PAFAH1B1: variants seen among roughly 807,000 people sequenced by gnomAD.
PAFAH1B1 encodes the protein platelet-activating factor acetylhydrolase IB subunit beta.
PAFAH1B1 carries 2 observed loss-of-function variants against 57.5 expected under a neutral mutation model. The ratio of observed to expected loss-of-function variants is 0.03; its 90% confidence interval spans 0.01 to 0.11. PAFAH1B1 has a LOEUF of 0.11. PAFAH1B1 is among the 10% of genes least tolerant of loss of function. PAFAH1B1 has a pLI of 1.00. For synonymous variants in PAFAH1B1, 152 were observed against 169.6 expected (o/e 0.90, Z 0.81); for missense variants, 257 against 512.0 (o/e 0.50, Z 4.81).
intron 9 of PAFAH1B1, among the ~76,000 whole-genome samples, chr17:2,677,723 G>A (rs1012684872): frequency 3.3e-5 from 5 of 151,866 alleles, no homozygotes; most frequent in Non-Finnish European, 5.9e-5. Context: ...GCATCCTGGC[G>A]GGTGCCTGTA....
intron 2 of PAFAH1B1, among the ~76,000 whole-genome samples, chr17:2,654,467 A>G (rs1167269942): frequency 6.6e-6 from 1 of 151,414 alleles, no homozygotes; most frequent in Non-Finnish European, 1.5e-5. Context: ...GAGCCACTCC[A>G]CTCGGTCTGT....
intron 6 of PAFAH1B1, among the ~76,000 whole-genome samples, chr17:2,672,283 C>CAA (rs1491271441): frequency 3.7e-4 from 2 of 5,470 alleles, no homozygotes; most frequent in South Asian, 8.8e-3. Context: ...GTCCTTGCCT[C>CAA]ACAAAAAAAA....
At chr17:2,607,889 G>C (rs1340092771) in intron 1 of PAFAH1B1, among the ~76,000 whole-genome samples, 1 of 151,958 alleles carries the variant, frequency 6.6e-6, no homozygotes, top group Admixed American at 6.6e-5. Flanking sequence ...ATATTTTTAT[G>C]CATTTACTAT....
intron 2 of PAFAH1B1, among the ~76,000 whole-genome samples, chr17:2,650,599 C>T (rs1459491917): frequency 1.4e-5 from 2 of 143,776 alleles, no homozygotes; most frequent in Non-Finnish European, 3.0e-5. Flanking sequence ...GGTCTTGCGC[C>T]ACTGCACTCC....
intron 1 of PAFAH1B1, among the ~76,000 whole-genome samples, chr17:2,606,998 G>A (rs910651614): frequency 3.3e-5 from 5 of 149,564 alleles, no homozygotes; most frequent in Admixed American, 1.3e-4. Flanking sequence ...CTAACTTTTT[G>A]TATTTTTAGT....
chr17:2,641,390 C>CTCAGGAGT (rs1161984713), intron 2 of PAFAH1B1: 1 of 152,130 alleles, frequency 6.6e-6, no homozygotes, highest in East Asian at 1.9e-4. Context: ...AACTCCTGAC[C>CTCAGGAGT]TCAGGTGATG....
chr17:2,628,555 T>G lies in PAFAH1B1; in HGVS notation c.-190-9544T>G, dbSNP rs370091820. ...TAGTTTTCTTTTTTTGGTTGTTTGG[T>G]TGTAGTTTCCTTTCCTGGTTTTGGT... On this transcript the variant is annotated intron_variant, in intron 1 of 10. Transcript: ENST00000397195. Among the ~76,000 whole-genome samples the G allele has an allele frequency of 1.1e-4, 16 of 152,132 alleles. No homozygotes were observed. The East Asian group carries it at 1.5e-3, about 15-fold the overall frequency.
rs552888320 is a variant in PAFAH1B1 at position 2,593,733 on chromosome 17, G to C, written c.-464G>C. The C allele has an allele frequency of 3.2e-6, 1 of 313,274 alleles. No individual in the cohort carries two copies. The highest frequency in any genetic ancestry group is 1.4e-4 in the South Asian group (1 of 7,134). The allele number at this position is 313,274 out of a possible 1,614,324, so 19.4% of individuals were successfully genotyped here. ...TGAGCGAGCGGAGGAGCAGCGACAC[G>C]GGAGTCTAGGGAGCGAGAAGGAGAA... On this transcript the variant is annotated 5_prime_UTR_variant, in exon 1 of 11. Transcript: ENST00000397195.
intron 1 of PAFAH1B1, among the ~76,000 whole-genome samples, chr17:2,631,104 G>T (rs535258841): frequency 1.1e-3 from 170 of 152,238 alleles, no homozygotes; most frequent in African/African-American, 3.9e-3. Context: ...AGCCAGGCGT[G>T]GTGGCGTGTG....
At chr17:2,607,055 A>C (rs1334931930) in intron 1 of PAFAH1B1, among the ~76,000 whole-genome samples, 1 of 151,494 alleles carries the variant, frequency 6.6e-6, no homozygotes. Flanking sequence ...CGATTTCCTG[A>C]CATTGTGATC....
chr17:2,654,472 G>A (rs1181315756), intron 2 of PAFAH1B1, among the ~76,000 whole-genome samples: 2 of 151,978 alleles, frequency 1.3e-5, no homozygotes, highest in African/African-American at 2.4e-5. Context: ...ACTCCACTCG[G>A]TCTGTCTTTT....
chr17:2,670,065 T>TA (rs2069159659), intron 5 of PAFAH1B1, 98 bp from the exon 6 acceptor site: 1 of 923,530 alleles, frequency 1.1e-6, no homozygotes, highest in South Asian at 1.3e-5. Flanking sequence ...GTTCGGTTAG[T>TA]TACTCAGTAA....
chr17:2,674,146 C>G lies in PAFAH1B1; in HGVS notation c.758C>G (p.Ser253Cys). ...NQDGTLIASC[S>C]NDQTVRVWVV... ...GATGGCACTCTGATAGCCAGCTGTT[C>G]CAATGACCAGACTGTGCGTGTATGG... Residue 253 changes from serine (S) to cysteine (C), a missense_variant, in exon 8 of 11, where the codon TCC becomes TGC. Ser to Cys is a moderately radical substitution (Grantham distance 112, BLOSUM62 -1). Coordinates refer to ENST00000397195, the MANE Select transcript of PAFAH1B1 (RefSeq NM_000430.4). 1 of 1,614,038 alleles carries G rather than the reference C, an allele frequency of 6.2e-7. No homozygotes were observed. The highest frequency in any genetic ancestry group is 8.5e-7 in the Non-Finnish European group (1 of 1,179,942).
intron 1 of PAFAH1B1, among the ~76,000 whole-genome samples, chr17:2,626,343 TTAAAA>T (rs374631890): frequency 5.9e-5 from 9 of 152,272 alleles, no homozygotes; most frequent in African/African-American, 2.2e-4. Context: ...AATTGTATTC[TTAAAA>T]TAAGTATGAT....
rs138796401 is a variant in PAFAH1B1 at position 2,618,709 on chromosome 17, G to A, written c.-190-19390G>A. ...GTTGCCCAGGCTGGAGTGCAGTGGC[G>A]TGATCTCGGCTCACTGCATCCTCCA... is the stretch of plus-strand genomic sequence containing the variant. On this transcript the variant is annotated intron_variant, in intron 1 of 10. Coordinates refer to ENST00000397195, the MANE Select transcript of PAFAH1B1 (RefSeq NM_000430.4). 4.3e-3 allele frequency among the ~76,000 whole-genome samples: 647 copies of A among 151,394 alleles called. 5 individuals are homozygous for A. Among genetic ancestry groups the A allele is most frequent in the African/African-American group, 0.014 (597 of 41,398 alleles).
At chr17:2,647,216 G>T (rs954094636) in intron 2 of PAFAH1B1, among the ~76,000 whole-genome samples, 1 of 152,142 alleles carries the variant, frequency 6.6e-6, no homozygotes, top group African/African-American at 2.4e-5. Context: ...TGGGCGTCGT[G>T]GTGCACACCT....
chr17:2,674,311 C>A, intron 8 of PAFAH1B1, 23 bp downstream of exon 8: 1 of 1,549,714 alleles, frequency 6.5e-7, no homozygotes, highest in South Asian at 1.1e-5. Flanking sequence ...CAAATGTCTT[C>A]ATGGTTTTAT....
chr17:2,678,212 A>C (rs2069302306), intron 9 of PAFAH1B1, among the ~76,000 whole-genome samples: 1 of 151,612 alleles, frequency 6.6e-6, no homozygotes, highest in Non-Finnish European at 1.5e-5. Context: ...GACCAGCCTG[A>C]CCAACATGGA....
rs752096252 is a variant in PAFAH1B1 at position 2,666,122 on chromosome 17, G to C, written c.192+32G>C. ...AAGTCTTTTTTCTTTAAAATTAGTT[G>C]TATTCAGTTATATAAACTTTCTGAA... On this transcript the variant is annotated intron_variant, in intron 4 of 10. Transcript: ENST00000397195. 3.6e-6 allele frequency: 5 copies of C among 1,400,010 alleles called. No individual in the cohort carries two copies. In the East Asian group the frequency reaches 1.2e-4, roughly 35 times the overall value. The allele number at this position is 1,400,010 out of a possible 1,614,324, so 86.7% of individuals were successfully genotyped here. A position where few individuals can be genotyped will look rare whatever the true frequency, so the allele number is the denominator to read the frequency against.
Sources: gnomAD v4.1 joint callset for allele counts (sites outside exome capture counted in the v4.1 genomes callset) on GRCh38, gnomAD v4.1.1 for gene constraint, MANE v1.5 for transcripts, NCBI Gene and HGNC (gene_info 2026-07-23, HGNC 2026-07-21) for gene names.